CLVS1: variants seen among roughly 807,000 people sequenced by gnomAD.
The protein encoded by CLVS1 is clavesin 1.
In CLVS1, 10 loss-of-function variants were observed where a neutral mutation model predicts 33.1. The observed-to-expected ratio is 0.30, with a 90% confidence interval of 0.19 to 0.51. The LOEUF is 0.51. CLVS1 is among the 20% of genes least tolerant of loss of function. CLVS1 has a pLI of 0.97. For synonymous variants in CLVS1, 163 were observed against 166.1 expected (o/e 0.98, Z 0.14); for missense variants, 343 against 433.4 (o/e 0.79, Z 1.85).
chr8:61,431,551 C>T (rs1470733143), intron 3 of CLVS1, among the ~76,000 whole-genome samples: 1 of 152,196 alleles, frequency 6.6e-6, no homozygotes, highest in African/African-American at 2.4e-5. Context: ...AAATTCAAAT[C>T]CCTTCCCCAA....
At chr8:61,376,856 A>G (rs1813666130) in intron 3 of CLVS1, 77 bp downstream of exon 3, 1 of 1,340,260 alleles carries the variant, frequency 7.5e-7, no homozygotes, top group Admixed American at 2.4e-5. Context: ...CCAAAGTAAT[A>G]TTTATCCTTT....
At chr8:60,964,967 G>A in the CLVS1 span, 1 of 152,278 alleles carries the variant, frequency 6.6e-6, no homozygotes, top group South Asian at 2.1e-4. Context: ...ATAGGAGCAG[G>A]CCTGGGAAGT....
chr8:61,035,526 G>A, the CLVS1 span, among the ~76,000 whole-genome samples: 7 of 152,212 alleles, frequency 4.6e-5, no homozygotes, highest in East Asian at 1.9e-4. Flanking sequence ...GGCGTCTGAC[G>A]TGTCTCACCG....
intron 5 of CLVS1, among the ~76,000 whole-genome samples, chr8:61,475,166 T>G (rs1006611877): frequency 5.9e-5 from 9 of 152,358 alleles, no homozygotes; most frequent in African/African-American, 2.2e-4. Flanking sequence ...ATGGTGTATA[T>G]GTGCCACATT....
chr8:60,992,605 A>G, the CLVS1 span, among the ~76,000 whole-genome samples: 1 of 152,218 alleles, frequency 6.6e-6, no homozygotes, highest in South Asian at 2.1e-4. Context: ...GGAAACAACT[A>G]GGATAGGGGT....
chr8:61,271,587 G>C (rs567284767), intron 2 of CLVS1, among the ~76,000 whole-genome samples: 1 of 132,002 alleles, frequency 7.6e-6, no homozygotes, highest in African/African-American at 3.2e-5. Flanking sequence ...TTTCTGTCTC[G>C]TTGATGTGTC....
At chr8:61,112,804 T>G (rs1805653560) in intron 1 of CLVS1, among the ~76,000 whole-genome samples, 1 of 152,210 alleles carries the variant, frequency 6.6e-6, no homozygotes, top group Non-Finnish European at 1.5e-5. Context: ...GTTTCCTTTT[T>G]TTTTAGTCTG....
intron 1 of CLVS1, among the ~76,000 whole-genome samples, chr8:61,120,651 C>T (rs1330601820): frequency 4.3e-4 from 58 of 134,094 alleles, no homozygotes; most frequent in South Asian, 1.4e-3. Flanking sequence ...GTCAGTCTGC[C>T]CCTGCTGGGG....
intron 1 of CLVS1, among the ~76,000 whole-genome samples, chr8:61,101,504 G>A (rs552765469): frequency 1.3e-5 from 2 of 152,140 alleles, no homozygotes; most frequent in Admixed American, 1.3e-4. Context: ...TTCTTTATAT[G>A]TATTCATGAT....
At chr8:61,345,681 C>T (rs1245909774) in intron 2 of CLVS1, among the ~76,000 whole-genome samples, 1 of 149,126 alleles carries the variant, frequency 6.7e-6, no homozygotes. Context: ...TTTGGTTTGA[C>T]AACATGTGTT....
chr8:61,419,378 CAG>C (rs1815564439), intron 3 of CLVS1, among the ~76,000 whole-genome samples: 1 of 119,910 alleles, frequency 8.3e-6, no homozygotes. Context: ...GCCTGGGTGA[CAG>C]AGCAAGACTC....
At chr8:61,056,575 C>G (rs1804476471), upstream of CLVS1, among the ~76,000 whole-genome samples, 1 of 152,144 alleles carries the variant, frequency 6.6e-6, no homozygotes, top group South Asian at 2.1e-4. Context: ...CAGCGAGTGC[C>G]TGACTCATAA....
chr8:61,268,070 G>C (rs1809349485), intron 2 of CLVS1, among the ~76,000 whole-genome samples: 1 of 151,822 alleles, frequency 6.6e-6, no homozygotes, highest in African/African-American at 2.4e-5. Context: ...CATTGTGCAG[G>C]TTAGTTACAT....
At chr8:61,151,049 T>A (rs1806523608) in intron 2 of CLVS1, among the ~76,000 whole-genome samples, 2 of 152,122 alleles carry the variant, frequency 1.3e-5, no homozygotes, top group South Asian at 4.1e-4. Context: ...CAGTTTAGAT[T>A]TGTCACTTGC....
chr8:61,381,487 G>A (rs1458756499), intron 3 of CLVS1, among the ~76,000 whole-genome samples: 1 of 152,046 alleles, frequency 6.6e-6, no homozygotes, highest in Admixed American at 6.6e-5. Context: ...TCTGTTACGT[G>A]GGTAAACTGT....
the CLVS1 span, among the ~76,000 whole-genome samples, chr8:61,004,228 T>C: frequency 9.2e-5 from 14 of 152,252 alleles, no homozygotes; most frequent in Non-Finnish European, 2.1e-4. Context: ...TGTTTCAATG[T>C]TAGCGGATGC....
chr8:61,452,311 T>C (rs557109984), intron 3 of CLVS1, among the ~76,000 whole-genome samples: 1 of 152,346 alleles, frequency 6.6e-6, no homozygotes, highest in South Asian at 2.1e-4. Context: ...CCTAGAACTA[T>C]ATAACACACC....
chr8:61,165,213 A>G (rs1806835829), intron 2 of CLVS1, among the ~76,000 whole-genome samples: 1 of 152,234 alleles, frequency 6.6e-6, no homozygotes, highest in Non-Finnish European at 1.5e-5. Flanking sequence ...TGGATCCGGA[A>G]GAATGGAAGT....
At chr8:61,171,031 T>C (rs1398185313) in intron 2 of CLVS1, among the ~76,000 whole-genome samples, 1 of 152,208 alleles carries the variant, frequency 6.6e-6, no homozygotes, top group Non-Finnish European at 1.5e-5. Context: ...TAGGTTTTTT[T>C]TTCTTTTTCT....
Sources: gnomAD v4.1 joint callset for allele counts (sites outside exome capture counted in the v4.1 genomes callset) on GRCh38, gnomAD v4.1.1 for gene constraint, MANE v1.5 for transcripts, NCBI Gene and HGNC (gene_info 2026-07-23, HGNC 2026-07-21) for gene names.